The following MYO15B variants were observed in gnomAD, a reference collection of about 807,000 sequenced individuals.
The protein encoded by MYO15B is myosin XVB pseudogene.
In MYO15B, 207 loss-of-function variants were observed where a neutral mutation model predicts 119.3. That is an observed-to-expected ratio of 1.73 (90% CI 1.55 to 1.95). The LOEUF is 1.95. Ranked by LOEUF, MYO15B falls within the 30% of genes most tolerant of loss-of-function variation. The pLI is 0.00. For missense variants in MYO15B, 2,264 were observed against 1,203.1 expected (o/e 1.88, Z -13.04); for synonymous variants, 966 against 498.9 (o/e 1.94, Z -12.48).
rs1207373735 is a variant in MYO15B at position 75,589,577 on chromosome 17, TG to T, written c.1526del (p.Gly509ValfsTer168). 7 of 398,558 alleles carry T rather than the reference TG, an allele frequency of 1.8e-5. No individual in the cohort carries two copies. Among genetic ancestry groups the T allele is most frequent in the Non-Finnish European group, 3.1e-5 (7 of 226,150 alleles). The allele number at this position is 398,558 out of a possible 1,614,324, so 24.7% of individuals were successfully genotyped here. On this transcript the variant is annotated frameshift_variant, in exon 1 of 64. Transcript: ENST00000645453. LOFTEE classifies it high-confidence loss of function. This position sits in a 1 kb window ranked among gnomAD's most constrained non-coding sequence, Gnocchi z 4.2. ...TTGCGCCTGGCTGGCTTAGCAGGGCTGGGGGGTATGCCGAGGGCTTCCCCTG... is the reference window on the plus strand; with the variant it reads ...TTGCGCCTGGCTGGCTTAGCAGGGCTGGGGGTATGCCGAGGGCTTCCCCTG...
At chr17:75,590,313 T>G in intron 1 of MYO15B, 70 bp downstream of exon 1, 2 of 398,920 alleles carry the variant, frequency 5.0e-6, no homozygotes, top group Non-Finnish European at 8.9e-6. Context: ...GCCCTCATCT[T>G]TATGAATTGC....
At chr17:75,624,857 C>T (rs1188424058) in exon 59 of MYO15B, 3 of 703,030 alleles carry the variant, frequency 4.3e-6, no homozygotes, top group South Asian at 3.0e-5. Context: ...CCGGCGGCTC[C>T]ACTGGGAGAC....
intron 28 of MYO15B, 48 bp from the exon 29 acceptor site, chr17:75,613,656 TG>T (rs536329020): frequency 8.6e-6 from 6 of 695,294 alleles, no homozygotes; most frequent in Non-Finnish European, 1.3e-5. Context: ...CCTGTCAGGG[TG>T]GACTCTGCTG....
chr17:75,618,192 G>A lies in MYO15B; in HGVS notation c.6987+7G>A. On this transcript the variant is annotated splice_region_variant and intron_variant, in intron 43 of 63. Coordinates refer to ENST00000645453, the Ensembl canonical transcript of MYO15B. ...GAGGCTCCTCTGTGAGCAGGTGAGAGCTGGCCCACCTGCCAGCCTGAGACA... is the reference window on the plus strand; with the variant it reads ...GAGGCTCCTCTGTGAGCAGGTGAGAACTGGCCCACCTGCCAGCCTGAGACA... 1.4e-6 allele frequency: 1 copy of A among 703,066 alleles called. No individual in the cohort carries two copies. Among genetic ancestry groups the A allele is most frequent in the Non-Finnish European group, 2.6e-6 (1 of 385,014 alleles). 43.6% of individuals were successfully genotyped at this position (703,066 alleles called of 1,614,324 possible).
Position 75,589,116 on chromosome 17 carries a change from C to T in MYO15B, c.1059C>T (p.Ser353=). The change falls in exon 1 of 64, where the codon TCC becomes TCT. Residue 353 remains serine (S), a synonymous_variant. Coordinates refer to ENST00000645453, the Ensembl canonical transcript of MYO15B. This position sits in a 1 kb window ranked among gnomAD's most constrained non-coding sequence, Gnocchi z 4.2. ...CGAGGCCCCCGCCAGGCGCCGCTTC[C>T]CAGGCCGTGGGCCCCCGCCGCGCTG... 2.6e-6 allele frequency: 1 copy of T among 392,012 alleles called. No individual in the cohort carries two copies. The highest frequency in any genetic ancestry group is 4.5e-6 in the Non-Finnish European group (1 of 221,760). The allele number at this position is 392,012 out of a possible 1,614,324, so 24.3% of individuals were successfully genotyped here. A position where few individuals can be genotyped will look rare whatever the true frequency, so the allele number is the denominator to read the frequency against.
chr17:75,620,346 C>T (rs1466789482), exon 48 of MYO15B: 2 of 702,992 alleles, frequency 2.8e-6, no homozygotes, highest in African/African-American at 1.7e-5. Context: ...CCGGTGGCCA[C>T]CCTGGAGCCA....
chr17:75,612,828 C>T lies in MYO15B; in HGVS notation c.4666C>T (p.Leu1556=), dbSNP rs3803726. 318 of 702,966 alleles carry T rather than the reference C, an allele frequency of 4.5e-4. 3 individuals are homozygous for T. The East Asian group carries it at 8.0e-3, about 18-fold the overall frequency. The allele number at this position is 702,966 out of a possible 1,614,324, so 43.5% of individuals were successfully genotyped here. ...GTCCCTGCCCAGGCCAGGGCAGCCA[C>T]TGGCGAAGCCCCTAACCCAGCTGGA... The change falls in exon 26 of 64, where the codon CTG becomes TTG. Residue 1556 remains leucine (L), a synonymous_variant. Coordinates refer to ENST00000645453, the Ensembl canonical transcript of MYO15B.
chr17:75,614,883 C>T lies in MYO15B; in HGVS notation c.5559+34C>T, dbSNP rs1184756016. On this transcript the variant is annotated intron_variant, in intron 32 of 63. Coordinates refer to ENST00000645453, the Ensembl canonical transcript of MYO15B. ...GGCACAGCCCCCAAATGCCCCTGCC[C>T]CAACCCCCCGGGGCCTCTGCTGCCC... The T allele has an allele frequency of 4.3e-6, 3 of 702,774 alleles. No homozygotes were observed. In the Admixed American group the frequency reaches 6.0e-5, roughly 14 times the overall value. The allele number at this position is 702,774 out of a possible 1,614,324, so 43.5% of individuals were successfully genotyped here. A position where few individuals can be genotyped will look rare whatever the true frequency, so the allele number is the denominator to read the frequency against.
exon 15 of MYO15B, chr17:75,601,484 A>T (rs1057267469): frequency 1.8e-5 from 13 of 702,994 alleles, no homozygotes; most frequent in Non-Finnish European, 3.4e-5. Flanking sequence ...CACCATGGTG[A>T]CCACCCCAGC....
In MYO15B at chr17:75,592,550, A is replaced by G; in HGVS notation, c.2829+9A>G. On this transcript the variant is annotated intron_variant, in intron 8 of 63. Transcript: ENST00000645453. ...ACTACTACCTCAACCAGGTCGGGGG[A>G]GCCCTTGTGGTGCGGCGGGGAGGCC... is the stretch of plus-strand genomic sequence containing the variant. 1 of 610,110 alleles carries G rather than the reference A, an allele frequency of 1.6e-6. No homozygotes were observed. Among genetic ancestry groups the G allele is most frequent in the Non-Finnish European group, 2.9e-6 (1 of 340,304 alleles). 37.8% of individuals were successfully genotyped at this position (610,110 alleles called of 1,614,324 possible). A position where few individuals can be genotyped will look rare whatever the true frequency, so the allele number is the denominator to read the frequency against.
chr17:75,592,112 A>G lies in MYO15B; in HGVS notation c.2651+32A>G, dbSNP rs562468766. On this transcript the variant is annotated intron_variant, in intron 6 of 63. Coordinates refer to ENST00000645453, the Ensembl canonical transcript of MYO15B. ...GGCAGGGTTGCAGGGGGCACCTACAATCACTTACCCTTCCTGGGTCCTTGG... is the reference window on the plus strand; with the variant it reads ...GGCAGGGTTGCAGGGGGCACCTACAGTCACTTACCCTTCCTGGGTCCTTGG... The G allele has an allele frequency of 3.0e-5, 21 of 702,500 alleles. No individual in the cohort carries two copies. In the African/African-American group the frequency reaches 3.7e-4, roughly 12 times the overall value. The allele number at this position is 702,500 out of a possible 1,614,324, so 43.5% of individuals were successfully genotyped here. A position where few individuals can be genotyped will look rare whatever the true frequency, so the allele number is the denominator to read the frequency against.
At chr17:75,614,838 T>A in exon 32 of MYO15B, 1 of 702,792 alleles carries the variant, frequency 1.4e-6, no homozygotes, top group Non-Finnish European at 2.6e-6. Context: ...AGTGATATCC[T>A]CCGGCCTCAG....
At chr17:75,615,386 A>G (rs3803729) in intron 34 of MYO15B, 48 bp downstream of exon 34, 308,980 of 689,386 alleles carry the variant, frequency 0.45, 70,916 homozygotes, top group Middle Eastern at 0.5. Context: ...GAGAGCAGCC[A>G]CCAGCTCTGG....
At chr17:75,598,654 T>C (rs1288015284) in intron 14 of MYO15B, among the ~76,000 whole-genome samples, 2 of 152,198 alleles carry the variant, frequency 1.3e-5, no homozygotes, top group African/African-American at 4.8e-5. Context: ...TATATATTGA[T>C]ATATAACAAG....
At chr17:75,613,758 G>A (rs1189561346) in exon 29 of MYO15B, 1 of 702,406 alleles carries the variant, frequency 1.4e-6, no homozygotes, top group Non-Finnish European at 2.6e-6. Flanking sequence ...GCAGCTGGCT[G>A]GGTGGATCCT....
exon 25 of MYO15B, chr17:75,611,895 A>T (rs2058053002): frequency 2.8e-6 from 2 of 702,740 alleles, no homozygotes; most frequent in Non-Finnish European, 5.2e-6. Context: ...GGCCATCGGG[A>T]CGCCCTGGCT....
chr17:75,613,927 G>A lies in MYO15B; in HGVS notation c.5219+150G>A, dbSNP rs1057324976. On this transcript the variant is annotated intron_variant, in intron 29 of 63. Coordinates refer to ENST00000645453, the Ensembl canonical transcript of MYO15B. Reference sequence around the variant, plus strand: ...TGCAGATGGCGATGGGGAGCCGGGGGCAGATTAGGAATGAGGGGCTTGGGA... The same window carrying A: ...TGCAGATGGCGATGGGGAGCCGGGGACAGATTAGGAATGAGGGGCTTGGGA... 2.3e-5 allele frequency: 14 copies of A among 600,526 alleles called. 1 individual carries two copies. The African/African-American group carries it at 2.6e-4, about 11-fold the overall frequency. The allele number at this position is 600,526 out of a possible 1,614,324, so 37.2% of individuals were successfully genotyped here.
At chr17:75,626,148 G>C in exon 63 of MYO15B, 1 of 702,598 alleles carries the variant, frequency 1.4e-6, no homozygotes, top group Non-Finnish European at 2.6e-6. Flanking sequence ...AAGCCCTCTG[G>C]AGGAGAAGGG....
At chr17:75,617,964 G>A (rs1204096251) in intron 42 of MYO15B, 42 bp downstream of exon 42, 2 of 697,748 alleles carry the variant, frequency 2.9e-6, no homozygotes, top group South Asian at 1.5e-5. Flanking sequence ...TCTTTGGGCT[G>A]GCAGGGAGGC....
Sources: allele counts gnomAD v4.1 joint callset (sites outside exome capture counted in the v4.1 genomes callset), GRCh38; gene constraint gnomAD v4.1.1; non-coding constraint Gnocchi (gnomAD v3.1); transcripts MANE v1.5; gene names NCBI Gene and HGNC (gene_info 2026-07-23, HGNC 2026-07-21).